NR5A2: variants seen among roughly 807,000 people sequenced by gnomAD.
NR5A2 encodes the protein nuclear receptor subfamily 5 group A member 2.
Under a neutral mutation model 62.7 loss-of-function variants are expected in NR5A2, and 26 were observed. That is an observed-to-expected ratio of 0.41 (90% CI 0.30 to 0.58). The LOEUF (loss-of-function observed/expected upper bound fraction) is 0.58. Ranked by LOEUF, NR5A2 falls within the 20% of genes least tolerant of loss-of-function variation. The probability of loss-of-function intolerance (pLI) is 0.22; values close to 1 mark genes in which losing one functional copy is unlikely to be tolerated. For missense variants in NR5A2, 541 were observed against 669.1 expected (o/e 0.81, Z 2.11); for synonymous variants, 246 against 241.7 (o/e 1.02, Z -0.16).
intron 5 of NR5A2, among the ~76,000 whole-genome samples, chr1:200,093,027 G>A (rs1664894209): frequency 6.6e-6 from 1 of 151,842 alleles, no homozygotes; most frequent in Admixed American, 6.6e-5. Context: ...GGGATTACAG[G>A]CACATGCCAC....
At chr1:200,100,088 A>G (rs2816992) in intron 5 of NR5A2, among the ~76,000 whole-genome samples, 60,118 of 152,162 alleles carry the variant, frequency 0.4, 12,328 homozygotes, top group East Asian at 0.68. Context: ...CTTGAATATT[A>G]TCTGCCAGGT....
chr1:200,073,859 C>T (rs1015375340), intron 5 of NR5A2, among the ~76,000 whole-genome samples: 4 of 152,156 alleles, frequency 2.6e-5, no homozygotes, highest in Non-Finnish European at 2.9e-5. Flanking sequence ...TTACTAGCCT[C>T]GCACTGCTGG....
At chr1:200,114,912 A>G (rs1171523701) in intron 6 of NR5A2, among the ~76,000 whole-genome samples, 3 of 152,212 alleles carry the variant, frequency 2.0e-5, no homozygotes, top group Admixed American at 2.0e-4. Context: ...CAGATGCTGC[A>G]GAGCTTGCCT....
At chr1:200,089,069 C>T (rs2102248957) in intron 5 of NR5A2, among the ~76,000 whole-genome samples, 1 of 152,294 alleles carries the variant, frequency 6.6e-6, no homozygotes. Flanking sequence ...TCCACACATT[C>T]TTAGTGATTT....
rs775114127 is a variant in NR5A2, at chr1:200,039,663, G to C, written c.70G>C (p.Gly24Arg). Residue 24 changes from glycine to arginine, a missense_variant, in exon 2 of 8, where the codon GGG (glycine) becomes CGG (arginine). Physicochemically the swap from Gly to Arg is moderately radical, Grantham distance 125. This residue lies in a region of NR5A2 where 108 missense variants were observed against 103.3 expected (regional missense o/e 1.05). Transcript: ENST00000367362. The surrounding 1 kb of genome is among the most constrained non-coding windows in gnomAD (Gnocchi z 5.1). ...TCTGTGCTGCCCGTGTCCAGGTGCT[G>C]GGCTTCCGGACCGACACGGATCCCC... ...LKHGLTPIGAGLPDRHGSPIP... is the reference protein window; with the variant it reads ...LKHGLTPIGARLPDRHGSPIP... 1.0e-4 allele frequency: 161 copies of C among 1,611,908 alleles called. No individual in the cohort carries two copies. The highest frequency in any genetic ancestry group is 1.3e-4 in the Non-Finnish European group (150 of 1,179,206).
intron 7 of NR5A2, among the ~76,000 whole-genome samples, chr1:200,160,207 C>A (rs1038196717): frequency 6.6e-6 from 1 of 152,148 alleles, no homozygotes; most frequent in Non-Finnish European, 1.5e-5. Flanking sequence ...ATAGTTTACA[C>A]GAAGAGGATT....
intron 7 of NR5A2, among the ~76,000 whole-genome samples, chr1:200,138,808 A>G (rs761713909): frequency 7.0e-4 from 106 of 152,144 alleles, no homozygotes; most frequent in Admixed American, 2.9e-3. Flanking sequence ...CACATGTTTT[A>G]TGCATTTTTA....
intron 7 of NR5A2, among the ~76,000 whole-genome samples, chr1:200,133,594 TATATATACAC>T (rs956138043): frequency 7.3e-5 from 8 of 110,058 alleles, no homozygotes; most frequent in African/African-American, 2.9e-4. Flanking sequence ...TACACATATA[TATATATACAC>T]ATATATACAC....
chr1:200,098,769 C>T (rs1188068729), intron 5 of NR5A2, among the ~76,000 whole-genome samples: 1 of 152,160 alleles, frequency 6.6e-6, no homozygotes, highest in East Asian at 1.9e-4. Flanking sequence ...GGGGGTGTCC[C>T]CAGTCCAGGT....
intron 5 of NR5A2, among the ~76,000 whole-genome samples, chr1:200,061,899 A>C (rs1219769681): frequency 3.9e-5 from 6 of 152,234 alleles, no homozygotes; most frequent in Admixed American, 3.3e-4. Context: ...CTGAGAGAGC[A>C]GGATAATTAC....
chr1:200,094,207 C>T (rs1050015400), intron 5 of NR5A2, among the ~76,000 whole-genome samples: 3 of 149,308 alleles, frequency 2.0e-5, no homozygotes, highest in African/African-American at 4.9e-5. Context: ...TTTTTGGAGA[C>T]AGAGTGTTGA....
intron 7 of NR5A2, among the ~76,000 whole-genome samples, chr1:200,138,302 A>T (rs932267578): frequency 6.6e-6 from 1 of 152,202 alleles, no homozygotes; most frequent in East Asian, 1.9e-4. Context: ...TAGGCGTAGT[A>T]AATGAGAGCT....
chr1:200,134,694 G>A (rs1054452644), intron 7 of NR5A2, among the ~76,000 whole-genome samples: 13 of 152,204 alleles, frequency 8.5e-5, no homozygotes, highest in African/African-American at 2.7e-4. Context: ...TTTATCCCAA[G>A]AGAAAGTAAT....
At chr1:200,163,439 C>G (rs1372387394) in intron 7 of NR5A2, among the ~76,000 whole-genome samples, 2 of 151,540 alleles carry the variant, frequency 1.3e-5, no homozygotes, top group Non-Finnish European at 2.9e-5. Context: ...GCCTACACGG[C>G]TTTCATTCTA....
chr1:200,145,146 C>CTAATTTTTG (rs1470222469), intron 7 of NR5A2, among the ~76,000 whole-genome samples: 1 of 152,094 alleles, frequency 6.6e-6, no homozygotes, highest in African/African-American at 2.4e-5. Context: ...CCCATCTCTA[C>CTAATTTTTG]TAAAAATACA....
At chr1:200,138,395 A>G (rs1667316643) in intron 7 of NR5A2, among the ~76,000 whole-genome samples, 1 of 152,158 alleles carries the variant, frequency 6.6e-6, no homozygotes, top group African/African-American at 2.4e-5. Flanking sequence ...ATTACCAGTG[A>G]TATTGAACAT....
chr1:200,110,938 C>A (rs1665911675), intron 5 of NR5A2, among the ~76,000 whole-genome samples: 1 of 152,102 alleles, frequency 6.6e-6, no homozygotes, highest in South Asian at 2.1e-4. Flanking sequence ...TAATGGAGTG[C>A]ATTCTCCTAG....
intron 5 of NR5A2, among the ~76,000 whole-genome samples, chr1:200,099,986 A>G (rs1265611842): frequency 6.6e-6 from 1 of 152,240 alleles, no homozygotes; most frequent in African/African-American, 2.4e-5. Flanking sequence ...ATGCTATTAG[A>G]AAAATGACCA....
intron 1 of NR5A2, among the ~76,000 whole-genome samples, chr1:200,037,164 G>A (rs1375587992): frequency 1.3e-5 from 2 of 152,186 alleles, no homozygotes; most frequent in Non-Finnish European, 2.9e-5. Context: ...GGCAGCTGGC[G>A]TTATGAGCAT....
Sources: allele counts gnomAD v4.1 joint callset (sites outside exome capture counted in the v4.1 genomes callset), GRCh38; gene constraint gnomAD v4.1.1; regional missense constraint gnomAD v4.1.1; non-coding constraint Gnocchi (gnomAD v3.1); transcripts MANE v1.5; gene names NCBI Gene and HGNC (gene_info 2026-07-23, HGNC 2026-07-21).